HIVEP1: variants seen among roughly 807,000 people sequenced by gnomAD.
The protein encoded by HIVEP1 is zinc finger protein 40.
A neutral mutation model predicts 180.0 loss-of-function variants in HIVEP1; 36 were observed. The observed-to-expected ratio is 0.20, with a 90% confidence interval of 0.15 to 0.26. The LOEUF (loss-of-function observed/expected upper bound fraction) is 0.26, where lower values mean the gene tolerates loss of function less well. Among genes scored for constraint, HIVEP1 ranks in the 10% least tolerant of loss-of-function variants. HIVEP1 has a pLI of 1.00. For missense variants in HIVEP1, 3,143 were observed against 3,268.7 expected, an observed-to-expected ratio of 0.96 and a Z score of 0.94; for synonymous variants, 1,239 against 1,239.0, an observed-to-expected ratio of 1.00 and a Z score of 0.00.
chr6:12,208,187 CAT>C, the HIVEP1 span, among the ~76,000 whole-genome samples: 1 of 152,156 alleles, frequency 6.6e-6, no homozygotes, highest in South Asian at 2.1e-4. Context: ...TGTTGATTTA[CAT>C]GTTTCATTAA....
At chr6:12,014,177 G>T (rs1326501852) in intron 1 of HIVEP1, among the ~76,000 whole-genome samples, 1 of 152,168 alleles carries the variant, frequency 6.6e-6, no homozygotes, top group African/African-American at 2.4e-5. Flanking sequence ...CCTGAACAAG[G>T]CCACACAGTA....
At chr6:12,015,401 C>T in intron 1 of HIVEP1, 125 bp from the exon 2 acceptor site, 1 of 415,348 alleles carries the variant, frequency 2.4e-6, no homozygotes, top group South Asian at 5.8e-5. Context: ...TAATCTTTTG[C>T]AGTGGTGCCC....
upstream of HIVEP1, among the ~76,000 whole-genome samples, chr6:12,011,307 C>G (rs1277987013): frequency 7.5e-6 from 1 of 133,342 alleles, no homozygotes; most frequent in Non-Finnish European, 1.6e-5. Context: ...CCCATTCTGC[C>G]CGGGCGAGGG....
intron 2 of HIVEP1, among the ~76,000 whole-genome samples, chr6:12,067,507 T>C (rs1274226563): frequency 6.6e-6 from 1 of 152,200 alleles, no homozygotes; most frequent in African/African-American, 2.4e-5. Flanking sequence ...GGATTTTTTT[T>C]TTAAGGTATA....
intron 3 of HIVEP1, among the ~76,000 whole-genome samples, chr6:12,115,511 T>G (rs941809375): frequency 6.6e-6 from 1 of 151,946 alleles, no homozygotes; most frequent in African/African-American, 2.4e-5. Context: ...CTCTCCTGAG[T>G]GTGCTTTGTA....
intron 1 of HIVEP1, among the ~76,000 whole-genome samples, chr6:12,013,592 G>T (rs965677209): frequency 6.6e-6 from 1 of 152,166 alleles, no homozygotes; most frequent in African/African-American, 2.4e-5. Context: ...TACAGTCAGA[G>T]TTCACGCTTT....
At chr6:12,201,116 C>T in the HIVEP1 span, among the ~76,000 whole-genome samples, 2 of 152,206 alleles carry the variant, frequency 1.3e-5, no homozygotes, top group Non-Finnish European at 2.9e-5. Context: ...TTCTCATGTT[C>T]TATTCTTAAT....
intron 2 of HIVEP1, among the ~76,000 whole-genome samples, chr6:12,081,572 A>G (rs1318453318): frequency 3.3e-5 from 5 of 152,012 alleles, no homozygotes; most frequent in African/African-American, 1.2e-4. Context: ...GTTTTAAACC[A>G]ATGCTCGGCC....
chr6:12,134,968 G>A (rs1212255662), intron 6 of HIVEP1, among the ~76,000 whole-genome samples: 1 of 152,234 alleles, frequency 6.6e-6, no homozygotes, highest in Non-Finnish European at 1.5e-5. Context: ...AGTCAAGCTT[G>A]AAACTTTAAA....
At chr6:12,131,432 T>G (rs1758411103) in intron 6 of HIVEP1, among the ~76,000 whole-genome samples, 1 of 151,782 alleles carries the variant, frequency 6.6e-6, no homozygotes, top group Admixed American at 6.6e-5. Context: ...CACAATGCTT[T>G]TTTTTACATA....
chr6:12,026,174 G>A (rs1212752510), intron 2 of HIVEP1, among the ~76,000 whole-genome samples: 35 of 152,154 alleles, frequency 2.3e-4, no homozygotes, highest in Non-Finnish European at 4.4e-5. Flanking sequence ...TTAATACATT[G>A]TGTCTCCAAA....
Position 12,119,926 on chromosome 6 carries a change from C to G in HIVEP1, c.131C>G (p.Ser44Cys), listed in dbSNP as rs1211378816. The change falls in exon 4 of 9, where the codon TCC becomes TGC. Residue 44 changes from serine (S) to cysteine (C), a missense_variant. This residue lies in a region of HIVEP1 where 114 missense variants were observed against 134.5 expected (regional missense o/e 0.85). Transcript: ENST00000379388. ...LQAGVKGTSE[S>C]LKGVKRKKIV... Reference sequence around the variant, plus strand: ...GCTGGTGTTAAAGGAACTTCGGAATCCCTTAAAGGTGTGAAACGCAAAAAG... The same window carrying G: ...GCTGGTGTTAAAGGAACTTCGGAATGCCTTAAAGGTGTGAAACGCAAAAAG... 5.0e-6 allele frequency: 8 copies of G among 1,587,138 alleles called. No homozygotes were observed. The African/African-American group carries it at 1.1e-4, about 22-fold the overall frequency.
At chr6:12,146,412 C>T (rs528200460) in intron 7 of HIVEP1, among the ~76,000 whole-genome samples, 1 of 152,286 alleles carries the variant, frequency 6.6e-6, no homozygotes, top group South Asian at 2.1e-4. Flanking sequence ...CATTGCACTC[C>T]AGCCCGGGCA....
At chr6:12,022,193 C>T (rs1174689472) in intron 2 of HIVEP1, among the ~76,000 whole-genome samples, 7 of 149,584 alleles carry the variant, frequency 4.7e-5, no homozygotes, top group South Asian at 2.1e-4. Context: ...TTTTTTGAGA[C>T]GGAGTTTCAC....
chr6:12,202,936 A>C, the HIVEP1 span, among the ~76,000 whole-genome samples: 1 of 152,346 alleles, frequency 6.6e-6, no homozygotes, highest in South Asian at 2.1e-4. Flanking sequence ...TCTGAAATCC[A>C]CAGTCTGTAA....
At chr6:12,144,777 T>G (rs1759266665) in intron 7 of HIVEP1, among the ~76,000 whole-genome samples, 1 of 152,130 alleles carries the variant, frequency 6.6e-6, no homozygotes, top group Non-Finnish European at 1.5e-5. Context: ...AAAATGCTCA[T>G]CATCACTGGT....
At chr6:12,204,300 A>G in the HIVEP1 span, among the ~76,000 whole-genome samples, 1 of 143,704 alleles carries the variant, frequency 7.0e-6, no homozygotes, top group Middle Eastern at 3.6e-3. Context: ...CCAGTTTTTC[A>G]TCTTTGTGTT....
At chr6:12,199,832 C>T in the HIVEP1 span, among the ~76,000 whole-genome samples, 2 of 152,272 alleles carry the variant, frequency 1.3e-5, no homozygotes, top group Admixed American at 1.3e-4. Flanking sequence ...CAGAGCCTAA[C>T]CTTTGCTTAC....
the HIVEP1 span, among the ~76,000 whole-genome samples, chr6:12,184,003 A>AGATAGATAGATAGAT: frequency 7.0e-6 from 1 of 142,500 alleles, no homozygotes; most frequent in Non-Finnish European, 1.5e-5. Context: ...ATAGATAGAT[A>AGATAGATAGATAGAT]GATAGATAGA....
Sources: gnomAD v4.1 joint callset for allele counts (sites outside exome capture counted in the v4.1 genomes callset) on GRCh38, gnomAD v4.1.1 for gene constraint, gnomAD v4.1.1 regional missense constraint, MANE v1.5 for transcripts, NCBI Gene and HGNC (gene_info 2026-07-23, HGNC 2026-07-21) for gene names.